RYR2: variants seen among roughly 807,000 people sequenced by gnomAD.
The protein encoded by RYR2 is ryanodine receptor 2, also known as cardiac muscle ryanodine receptor-calcium release channel.
Under a neutral mutation model 601.1 loss-of-function variants are expected in RYR2, and 227 were observed. That is an observed-to-expected ratio of 0.38 (90% CI 0.34 to 0.42). RYR2 has a LOEUF of 0.42. Among genes scored for constraint, RYR2 ranks in the 10% least tolerant of loss-of-function variants. RYR2 has a pLI of 1.00. For missense variants in RYR2, 4,646 were observed against 6,156.5 expected, an observed-to-expected ratio of 0.75 and a Z score of 8.21; for synonymous variants, 2,223 against 2,175.1, an observed-to-expected ratio of 1.02 and a Z score of -0.61.
chr1:237,648,269 T>G (rs901689189), intron 48 of RYR2, among the ~76,000 whole-genome samples, 175 bp from the exon 49 acceptor site: 1 of 152,232 alleles, frequency 6.6e-6, no homozygotes, highest in Non-Finnish European at 1.5e-5. Context: ...TGGCTTTACA[T>G]TCACTGCCTT....
At chr1:237,617,622 T>C in intron 38 of RYR2, 136 bp downstream of exon 38, 1 of 824,240 alleles carries the variant, frequency 1.2e-6, no homozygotes, top group Non-Finnish European at 1.8e-6. Context: ...ATTTAGTTAG[T>C]ATTCTTAGTT....
rs1418995790 is a variant in RYR2, at chr1:237,628,055, G to C, written c.6415G>C (p.Glu2139Gln). The stretch of plus-strand genomic sequence containing the variant: ...GAGTGTGAGAATGGGCAAAGAAGAA[G>C]AGAAGCTCATGATTCGTGGATTAGG... ...LLSVRMGKEEEKLMIRGLGDI... is the reference protein window; with the variant it reads ...LLSVRMGKEEQKLMIRGLGDI... Residue 2139 changes from glutamate to glutamine, a missense_variant, in exon 41 of 105, where the codon GAG becomes CAG. By Grantham distance (29) the Glu-to-Gln change is conservative. Around this residue, in one of 17 missense-constraint regions of RYR2, gnomAD observed 137 missense variants for 273.6 expected, o/e 0.50. Transcript: ENST00000366574. 1 of 1,613,770 alleles carries C rather than the reference G, an allele frequency of 6.2e-7. No homozygotes were observed. Among genetic ancestry groups the C allele is most frequent in the Non-Finnish European group, 8.5e-7 (1 of 1,179,890 alleles).
chr1:237,270,340 C>A, intron 1 of RYR2, 157 bp from the exon 2 acceptor site: 1 of 1,036,462 alleles, frequency 9.6e-7, no homozygotes, highest in Non-Finnish European at 1.4e-6. Context: ...GGGATTGATT[C>A]CGTAGGGGTT....
rs756505411 is a variant in RYR2, at chr1:237,732,024, T to C, written c.10936-22T>C. Reference sequence around the variant, plus strand: ...AACATTTTTTTTTAATGTGACATTTTATAAATTTGACTTTTTTGCAGAAAC... The same window carrying C: ...AACATTTTTTTTTAATGTGACATTTCATAAATTTGACTTTTTTGCAGAAAC... On this transcript the variant is annotated intron_variant, in intron 77 of 104. Transcript: ENST00000366574. 1.3e-5 allele frequency: 19 copies of C among 1,513,362 alleles called. No individual in the cohort carries two copies. In the African/African-American group the frequency reaches 2.6e-4, roughly 21 times the overall value. The allele number at this position is 1,513,362 out of a possible 1,614,324, so 93.7% of individuals were successfully genotyped here. A position where few individuals can be genotyped will look rare whatever the true frequency, so the allele number is the denominator to read the frequency against.
chr1:237,757,971 G>A (rs181541977), intron 82 of RYR2, among the ~76,000 whole-genome samples, 195 bp downstream of exon 82: 1 of 152,280 alleles, frequency 6.6e-6, no homozygotes, highest in Admixed American at 6.5e-5. Context: ...ATAAAATGAT[G>A]TCAAAATATC....
chr1:237,486,617 A>C (rs960221824), intron 17 of RYR2, among the ~76,000 whole-genome samples: 3 of 152,240 alleles, frequency 2.0e-5, no homozygotes, highest in Admixed American at 1.3e-4. Flanking sequence ...GTCAGGCCTC[A>C]TTAAGTTGCA....
At chr1:237,160,307 G>A (rs1675863778) in intron 1 of RYR2, among the ~76,000 whole-genome samples, 1 of 152,180 alleles carries the variant, frequency 6.6e-6, no homozygotes, top group African/African-American at 2.4e-5. Flanking sequence ...ATGTTTTTCA[G>A]TGGTGCCAAT....
chr1:237,213,837 A>G (rs78500791), intron 1 of RYR2, among the ~76,000 whole-genome samples: 8,568 of 150,316 alleles, frequency 0.057, 410 homozygotes, highest in Non-Finnish European at 0.08. Context: ...GGCAAAGGAT[A>G]GGGAGAGCTT....
At chr1:237,593,898 A>T (rs374216391) in intron 33 of RYR2, among the ~76,000 whole-genome samples, 1 of 152,328 alleles carries the variant, frequency 6.6e-6, no homozygotes, top group South Asian at 2.1e-4. Flanking sequence ...TAACATGACT[A>T]ACAGCTTGGG....
intron 80 of RYR2, among the ~76,000 whole-genome samples, chr1:237,746,723 A>G (rs1692110857): frequency 6.6e-6 from 1 of 152,180 alleles, no homozygotes; most frequent in Non-Finnish European, 1.5e-5. Context: ...TATCAAAAGC[A>G]TTAAAAAGAA....
intron 1 of RYR2, among the ~76,000 whole-genome samples, chr1:237,134,988 A>G (rs556944004): frequency 6.6e-6 from 1 of 152,312 alleles, no homozygotes; most frequent in South Asian, 2.1e-4. Context: ...ATGGACATGG[A>G]ATAGAACCAT....
chr1:237,162,619 C>T (rs923393940), intron 1 of RYR2, among the ~76,000 whole-genome samples: 4 of 151,976 alleles, frequency 2.6e-5, no homozygotes, highest in African/African-American at 9.7e-5. Flanking sequence ...GGATACAGCA[C>T]CCCAAAATAT....
chr1:237,792,473 T>C lies in RYR2; in HGVS notation c.13782+150T>C, dbSNP rs79663453. The C allele has an allele frequency of 1.2e-3, 713 of 574,226 alleles. 2 individuals are homozygous for C. The highest frequency in any genetic ancestry group is 0.011 in the African/African-American group (607 of 53,212). 35.6% of individuals were successfully genotyped at this position (574,226 alleles called of 1,614,324 possible). ...AGCAGATTCTGAGCTGGAAACTTTG[T>C]GCACAAAGTTTCTGAGGGAATGCTC... On this transcript the variant is annotated intron_variant, in intron 94 of 104. Transcript: ENST00000366574.
chr1:237,788,160 G>GCACTATATCAGTAACAATA, intron 92 of RYR2, 25 bp downstream of exon 92: 1 of 1,573,306 alleles, frequency 6.4e-7, no homozygotes, highest in Non-Finnish European at 8.7e-7. Flanking sequence ...AATGAATATT[G>GCACTATATCAGTAACAATA]TTACTGATAT....
At chr1:237,397,222 A>G (rs1376689212) in intron 10 of RYR2, among the ~76,000 whole-genome samples, 2 of 151,852 alleles carry the variant, frequency 1.3e-5, no homozygotes, top group Non-Finnish European at 2.9e-5. Flanking sequence ...TGCCTGACAG[A>G]GCGAGACTGT....
intron 2 of RYR2, among the ~76,000 whole-genome samples, chr1:237,292,327 T>C (rs950104650): frequency 6.6e-6 from 1 of 152,226 alleles, no homozygotes; most frequent in Non-Finnish European, 1.5e-5. Context: ...TATATCATGT[T>C]ACAAATTAAA....
chr1:237,431,741 G>A (rs1706825702), intron 12 of RYR2, among the ~76,000 whole-genome samples: 1 of 152,074 alleles, frequency 6.6e-6, no homozygotes, highest in African/African-American at 2.4e-5. Flanking sequence ...CTCTCAGAGG[G>A]CAGAACAGTA....
chr1:237,424,275 A>C (rs1230687302), intron 12 of RYR2, among the ~76,000 whole-genome samples: 1 of 152,222 alleles, frequency 6.6e-6, no homozygotes, highest in African/African-American at 2.4e-5. Flanking sequence ...CATCTTAGAA[A>C]GGCAAAACTT....
chr1:237,484,568 C>G (rs1218272394), intron 17 of RYR2, among the ~76,000 whole-genome samples: 1 of 152,198 alleles, frequency 6.6e-6, no homozygotes, highest in East Asian at 1.9e-4. Context: ...AGGCTAGATT[C>G]TTCTTGGTAG....
Sources: allele counts gnomAD v4.1 joint callset (sites outside exome capture counted in the v4.1 genomes callset), GRCh38; gene constraint gnomAD v4.1.1; regional missense constraint gnomAD v4.1.1; transcripts MANE v1.5; gene names NCBI Gene and HGNC (gene_info 2026-07-23, HGNC 2026-07-21).